RFC3: variants seen among roughly 807,000 people sequenced by gnomAD.
RFC3 encodes A1 38 kDa subunit.
RFC3 carries 41 observed loss-of-function variants against 45.1 expected under a neutral mutation model. The observed-to-expected ratio is 0.91, with a 90% CI of 0.71 to 1.18. RFC3 has a LOEUF of 1.18. RFC3 is among the 50% of genes most tolerant of loss of function. The pLI is 0.00. For missense variants in RFC3, 423 were observed against 428.1 expected, an observed-to-expected ratio of 0.99 and a Z score of 0.10; for synonymous variants, 149 against 144.0, an observed-to-expected ratio of 1.03 and a Z score of -0.25.
intron 8 of RFC3, among the ~76,000 whole-genome samples, chr13:33,928,085 G>A (rs1434624130): frequency 1.3e-5 from 2 of 152,104 alleles, no homozygotes; most frequent in African/African-American, 4.8e-5. Context: ...AGAAAGAGAA[G>A]TAAAATAATT....
intron 8 of RFC3, among the ~76,000 whole-genome samples, chr13:33,964,181 A>G (rs545624354): frequency 6.6e-6 from 1 of 152,328 alleles, no homozygotes; most frequent in African/African-American, 2.4e-5. Context: ...GAACTAGTAA[A>G]ATGTGTATTT....
At chr13:33,927,112 C>T (rs2082818819) in intron 8 of RFC3, among the ~76,000 whole-genome samples, 2 of 151,868 alleles carry the variant, frequency 1.3e-5, no homozygotes, top group Non-Finnish European at 2.9e-5. Context: ...TTGACCTTCC[C>T]TGGCAAAGAT....
chr13:33,828,682 A>G (rs1344726675), intron 4 of RFC3, among the ~76,000 whole-genome samples: 6 of 152,088 alleles, frequency 3.9e-5, no homozygotes, highest in African/African-American at 1.4e-4. Context: ...ACACACCACC[A>G]TGCCCGGCAA....
At chr13:33,865,981 C>T (rs552562954) in intron 8 of RFC3, among the ~76,000 whole-genome samples, 28 of 152,246 alleles carry the variant, frequency 1.8e-4, no homozygotes, top group African/African-American at 6.7e-4. Flanking sequence ...ATTGCTTGAA[C>T]CCGGGAGGTG....
chr13:33,880,002 A>G (rs2082472536), intron 8 of RFC3, among the ~76,000 whole-genome samples: 1 of 152,150 alleles, frequency 6.6e-6, no homozygotes. Context: ...TCTTCCACTT[A>G]TAAGGAACCT....
intron 8 of RFC3, among the ~76,000 whole-genome samples, chr13:33,864,934 A>G (rs1029676202): frequency 7.9e-5 from 12 of 152,156 alleles, no homozygotes; most frequent in African/African-American, 2.9e-4. Context: ...TTTGAGATGT[A>G]AAGAGAGGTA....
intron 8 of RFC3, among the ~76,000 whole-genome samples, chr13:33,928,488 C>T (rs2082830334): frequency 6.6e-6 from 1 of 152,016 alleles, no homozygotes; most frequent in African/African-American, 2.4e-5. Flanking sequence ...ATGCTCTGAG[C>T]TTGATATTCA....
At chr13:33,961,451 G>A (rs1002117440) in intron 8 of RFC3, among the ~76,000 whole-genome samples, 12 of 152,114 alleles carry the variant, frequency 7.9e-5, no homozygotes, top group South Asian at 2.1e-4. Flanking sequence ...AGGAATCATG[G>A]CCTCTTCTTT....
intron 8 of RFC3, among the ~76,000 whole-genome samples, chr13:33,873,180 C>T (rs1448409085): frequency 1.1e-4 from 17 of 152,120 alleles, no homozygotes; most frequent in Admixed American, 1.1e-3. Context: ...GTGGAGGAGG[C>T]ATTGCCAAGT....
chr13:33,859,517 T>G (rs2082327511), intron 8 of RFC3, among the ~76,000 whole-genome samples: 1 of 152,186 alleles, frequency 6.6e-6, no homozygotes, highest in African/African-American at 2.4e-5. Flanking sequence ...TGTATAGAGA[T>G]GACAAGTTTA....
At chr13:33,970,295 A>G (rs1045923636), downstream of RFC3, among the ~76,000 whole-genome samples, 6 of 152,200 alleles carry the variant, frequency 3.9e-5, no homozygotes, top group East Asian at 1.9e-4. Context: ...ATAGTATTCC[A>G]TGGTATATAT....
chr13:33,865,033 C>T (rs181394123), intron 8 of RFC3, among the ~76,000 whole-genome samples: 60 of 152,144 alleles, frequency 3.9e-4, no homozygotes, highest in African/African-American at 1.4e-3. Flanking sequence ...GAACAAAATT[C>T]ATTTTGGAAT....
chr13:33,912,866 G>C (rs2082711192), intron 8 of RFC3, among the ~76,000 whole-genome samples: 1 of 152,056 alleles, frequency 6.6e-6, no homozygotes, highest in Admixed American at 6.6e-5. Flanking sequence ...TAGGGATGAA[G>C]GGAAGAGGAA....
At chr13:33,959,166 CTT>C (rs1488385721) in intron 8 of RFC3, among the ~76,000 whole-genome samples, 3 of 152,144 alleles carry the variant, frequency 2.0e-5, no homozygotes, top group Non-Finnish European at 4.4e-5. Context: ...TTAAATGTCT[CTT>C]GTGTTAAATT....
chr13:33,952,876 G>A (rs1437075185), intron 8 of RFC3, among the ~76,000 whole-genome samples: 10 of 151,810 alleles, frequency 6.6e-5, no homozygotes, highest in Admixed American at 5.9e-4. Flanking sequence ...GAATATCTTT[G>A]TAATTTCCAG....
At chr13:33,854,187 T>C (rs963769484) in intron 8 of RFC3, among the ~76,000 whole-genome samples, 1 of 152,200 alleles carries the variant, frequency 6.6e-6, no homozygotes, top group Non-Finnish European at 1.5e-5. Flanking sequence ...GTAAACAAAA[T>C]CTGAACGGTG....
chr13:33,898,325 A>G (rs1037496597), intron 8 of RFC3, among the ~76,000 whole-genome samples: 3 of 152,022 alleles, frequency 2.0e-5, no homozygotes, highest in Non-Finnish European at 2.9e-5. Flanking sequence ...TCACAATGGA[A>G]TAAAACAAGA....
intron 8 of RFC3, among the ~76,000 whole-genome samples, chr13:33,862,387 C>T (rs748892941): frequency 1.1e-4 from 17 of 149,472 alleles, no homozygotes; most frequent in Non-Finnish European, 1.9e-4. Context: ...TTGAAGAAAA[C>T]GCTTAGAGAT....
intron 8 of RFC3, among the ~76,000 whole-genome samples, chr13:33,900,146 A>G (rs1162426806): frequency 6.6e-6 from 1 of 152,060 alleles, no homozygotes; most frequent in Non-Finnish European, 1.5e-5. Context: ...TCAAAACGCC[A>G]ATGACATTCT....
Sources: gnomAD v4.1 joint callset for allele counts (sites outside exome capture counted in the v4.1 genomes callset) on GRCh38, gnomAD v4.1.1 for gene constraint, MANE v1.5 for transcripts, NCBI Gene and HGNC (gene_info 2026-07-23, HGNC 2026-07-21) for gene names.